DCDC1: variants seen among roughly 807,000 people sequenced by gnomAD.
DCDC1 encodes the protein doublecortin domain containing 1.
In DCDC1, 200 loss-of-function variants were observed where a neutral mutation model predicts 178.3. The observed-to-expected ratio is 1.12, with a 90% CI of 1.00 to 1.26. The LOEUF is 1.26. DCDC1 is among the 50% of genes most tolerant of loss of function. DCDC1 has a pLI of 0.00. For synonymous variants in DCDC1, 690 were observed against 604.8 expected, an observed-to-expected ratio of 1.14 and a Z score of -2.07; for missense variants, 1,983 against 1,749.2, an observed-to-expected ratio of 1.13 and a Z score of -2.38.
chr11:31,292,780 T>G (rs1200133184), intron 6 of DCDC1, among the ~76,000 whole-genome samples: 1 of 148,840 alleles, frequency 6.7e-6, no homozygotes, highest in Non-Finnish European at 1.5e-5. Flanking sequence ...CCTCAATAAA[T>G]AAAGAAGAAA....
chr11:31,236,108 C>T (rs185287705), intron 9 of DCDC1, among the ~76,000 whole-genome samples: 1 of 152,024 alleles, frequency 6.6e-6, no homozygotes, highest in East Asian at 1.9e-4. Context: ...TATGACAAGT[C>T]AAATGAAATG....
At chr11:31,096,970 TAAG>T (rs1345870933) in intron 15 of DCDC1, among the ~76,000 whole-genome samples, 1 of 152,212 alleles carries the variant, frequency 6.6e-6, no homozygotes, top group Non-Finnish European at 1.5e-5. Context: ...CATATGTGTT[TAAG>T]AACATTTAGA....
chr11:31,282,027 G>T (rs1287551951), intron 7 of DCDC1, among the ~76,000 whole-genome samples: 2 of 152,076 alleles, frequency 1.3e-5, no homozygotes, highest in South Asian at 4.1e-4. Context: ...TTGCATCTAT[G>T]ATTAGGAGGA....
intron 9 of DCDC1, among the ~76,000 whole-genome samples, chr11:31,213,269 C>T (rs961800609): frequency 2.0e-5 from 3 of 151,250 alleles, no homozygotes; most frequent in East Asian, 1.9e-4. Context: ...GGTCTATTTT[C>T]GCCTCATGTC....
At chr11:30,887,289 T>A (rs1289378026) in intron 36 of DCDC1, among the ~76,000 whole-genome samples, 1 of 152,200 alleles carries the variant, frequency 6.6e-6, no homozygotes, top group African/African-American at 2.4e-5. Flanking sequence ...TTGGTTAACA[T>A]TAAAAAGAGA....
chr11:31,298,363 A>G (rs1947854178), intron 6 of DCDC1, among the ~76,000 whole-genome samples: 2 of 152,150 alleles, frequency 1.3e-5, no homozygotes. Context: ...GACCTGTCCC[A>G]GTCTTCCTCT....
intron 1 of DCDC1, among the ~76,000 whole-genome samples, chr11:31,359,784 A>G (rs1488960340): frequency 6.6e-6 from 1 of 152,172 alleles, no homozygotes; most frequent in African/African-American, 2.4e-5. Flanking sequence ...GATACTGATA[A>G]AAGGGAGAAA....
At chr11:30,919,241 C>T (rs140375316) in intron 25 of DCDC1, among the ~76,000 whole-genome samples, 70 of 152,116 alleles carry the variant, frequency 4.6e-4, no homozygotes, top group African/African-American at 1.6e-3. Context: ...TACAGAGAAA[C>T]ATATGGAATA....
chr11:31,264,292 C>T (rs1303501887), intron 8 of DCDC1, among the ~76,000 whole-genome samples: 1 of 152,102 alleles, frequency 6.6e-6, no homozygotes, highest in African/African-American at 2.4e-5. Flanking sequence ...TTATTGAGTG[C>T]CTGTTCCCAG....
At chr11:30,914,632 CAAAAAAAAAA>C (rs11355322) in intron 27 of DCDC1, among the ~76,000 whole-genome samples, 48 of 100,846 alleles carry the variant, frequency 4.8e-4, no homozygotes, top group African/African-American at 1.6e-3. Context: ...CATATGCACC[CAAAAAAAAAA>C]AAAAAAAAAA....
intron 11 of DCDC1, 80 bp downstream of exon 11, chr11:31,127,389 C>T (rs760101236): frequency 3.6e-6 from 2 of 558,898 alleles, no homozygotes; most frequent in African/African-American, 1.9e-5. Context: ...AGCTAAGTGG[C>T]ATTGTTATAA....
At chr11:30,933,728 T>C (rs1262250771) in intron 21 of DCDC1, among the ~76,000 whole-genome samples, 1 of 152,176 alleles carries the variant, frequency 6.6e-6, no homozygotes. Flanking sequence ...ACCCAAAGAA[T>C]GGACGTAGAG....
Position 30,906,567 on chromosome 11 carries a change from C to A in DCDC1, c.4077G>T (p.Gly1359=), listed in dbSNP as rs757007705. 1.2e-6 allele frequency: 2 copies of A among 1,613,100 alleles called. No individual in the cohort carries two copies. Among genetic ancestry groups the A allele is most frequent in the Non-Finnish European group, 1.7e-6 (2 of 1,179,520 alleles). ...CAGCCACACTGATGACCTTGAAGGG[C>A]CCTTGTAAGAAGGGCTTCTGAGTCT... ...GTKTQKPFLQ[G]PFKVISVAEV... The change falls in exon 30 of 39, where the codon GGG becomes GGT. Residue 1359 remains glycine (G), a synonymous_variant. Coordinates refer to ENST00000684477, the MANE Select transcript of DCDC1 (RefSeq NM_001387274.1).
chr11:31,361,406 C>T (rs1257916048), intron 1 of DCDC1, among the ~76,000 whole-genome samples: 4 of 152,076 alleles, frequency 2.6e-5, no homozygotes, highest in Non-Finnish European at 1.5e-5. Context: ...CATTACATGT[C>T]GATTACCAAT....
Position 31,283,476 on chromosome 11 carries a change from G to GT in DCDC1, c.960+7170dup, listed in dbSNP as rs896268928. On this transcript the variant is annotated intron_variant, in intron 7 of 38. Coordinates refer to ENST00000684477, the MANE Select transcript of DCDC1 (RefSeq NM_001387274.1). ...CCAGTTCTCTTCGCATTATATTCAT[G>GT]TTTTTTTTTAATACGTGAACATATT... is the stretch of plus-strand genomic sequence containing the variant. Among the ~76,000 whole-genome samples the GT allele has an allele frequency of 2.3e-3, 338 of 150,114 alleles. 1 individual carries two copies. The highest frequency in any genetic ancestry group is 7.5e-3 in the African/African-American group (306 of 40,892).
chr11:31,252,185 A>G (rs1324028098), intron 8 of DCDC1, among the ~76,000 whole-genome samples: 1 of 152,164 alleles, frequency 6.6e-6, no homozygotes, highest in Non-Finnish European at 1.5e-5. Flanking sequence ...CTCTGCCCTA[A>G]TCACAGCCTA....
At chr11:30,968,430 A>G (rs112399595) in intron 20 of DCDC1, among the ~76,000 whole-genome samples, 317 of 152,142 alleles carry the variant, frequency 2.1e-3, no homozygotes, top group African/African-American at 7.2e-3. Flanking sequence ...ACAGTCTGAA[A>G]ATACTAAAGG....
intron 9 of DCDC1, among the ~76,000 whole-genome samples, chr11:31,170,473 T>C (rs896061230): frequency 2.0e-5 from 3 of 152,236 alleles, no homozygotes; most frequent in Non-Finnish European, 4.4e-5. Flanking sequence ...AATTCATTAT[T>C]GTTTCAAAAT....
intron 21 of DCDC1, among the ~76,000 whole-genome samples, chr11:30,939,017 G>A (rs547534297): frequency 2.6e-5 from 4 of 152,112 alleles, no homozygotes; most frequent in East Asian, 3.9e-4. Flanking sequence ...TTTCCCTCGC[G>A]GGATAATGGA....
Sources: allele counts gnomAD v4.1 joint callset (sites outside exome capture counted in the v4.1 genomes callset), GRCh38; gene constraint gnomAD v4.1.1; transcripts MANE v1.5; gene names NCBI Gene and HGNC (gene_info 2026-07-23, HGNC 2026-07-21).